Variants in TNFAIP8 observed in about 807,000 individuals in gnomAD.
The protein encoded by TNFAIP8 is tumor necrosis factor alpha-induced protein 8.
TNFAIP8 carries 7 observed loss-of-function variants against 13.3 expected under a neutral mutation model. The ratio of observed to expected loss-of-function variants is 0.52; its 90% CI spans 0.30 to 0.99. TNFAIP8 has a LOEUF of 0.99. TNFAIP8 is among the 50% of genes least tolerant of loss of function. The pLI is 0.07. For synonymous variants in TNFAIP8, 94 were observed against 87.6 expected, an observed-to-expected ratio of 1.07 and a Z score of -0.41; for missense variants, 258 against 236.9, an observed-to-expected ratio of 1.09 and a Z score of -0.58.
intron 1 of TNFAIP8, among the ~76,000 whole-genome samples, chr5:119,387,192 G>A (rs1392539858): frequency 6.6e-6 from 1 of 152,050 alleles, no homozygotes; most frequent in Non-Finnish European, 1.5e-5. Flanking sequence ...CTTATGACAG[G>A]GTTCGTTGTT....
intron 1 of TNFAIP8, among the ~76,000 whole-genome samples, chr5:119,369,260 G>T (rs959162148): frequency 3.9e-5 from 6 of 152,100 alleles, no homozygotes; most frequent in African/African-American, 1.4e-4. Flanking sequence ...CACCATGTTG[G>T]CCAGGCTGGT....
intron 1 of TNFAIP8, among the ~76,000 whole-genome samples, chr5:119,296,921 T>A (rs928294586): frequency 2.0e-5 from 3 of 152,062 alleles, no homozygotes; most frequent in Non-Finnish European, 4.4e-5. Flanking sequence ...CGTAGAGGTG[T>A]TTGTAGTATT....
At chr5:119,385,262 G>C (rs988910481) in intron 1 of TNFAIP8, among the ~76,000 whole-genome samples, 10 of 152,182 alleles carry the variant, frequency 6.6e-5, no homozygotes, top group African/African-American at 1.2e-4. Context: ...TGAGCCTTTT[G>C]TTTCCATCCA....
Position 119,308,971 on chromosome 5 carries a change from G to A in TNFAIP8, c.1+40064G>A, listed in dbSNP as rs530504583. On this transcript the variant is annotated intron_variant, in intron 1 of 1. Transcript: ENST00000274456. Reference sequence around the variant, plus strand: ...CTCTCCAGTTATCTATCATAGCCTGGTAAAAAGGCAAAAGCAGTTGTGCAT... The same window carrying A: ...CTCTCCAGTTATCTATCATAGCCTGATAAAAAGGCAAAAGCAGTTGTGCAT... 3.9e-5 allele frequency among the ~76,000 whole-genome samples: 6 copies of A among 152,276 alleles called. No individual in the cohort carries two copies. In the South Asian group the frequency reaches 8.3e-4, roughly 21 times the overall value.
intron 1 of TNFAIP8, among the ~76,000 whole-genome samples, chr5:119,286,764 C>T (rs1177373973): frequency 6.6e-6 from 1 of 152,156 alleles, no homozygotes; most frequent in Non-Finnish European, 1.5e-5. Flanking sequence ...TGCGGGAATA[C>T]AAAGGTGAAC....
intron 1 of TNFAIP8, among the ~76,000 whole-genome samples, chr5:119,377,700 C>A (rs1294398699): frequency 2.6e-5 from 4 of 152,204 alleles, no homozygotes; most frequent in Admixed American, 2.0e-4. Flanking sequence ...CCCACCACTT[C>A]ACCTTGCAAA....
chr5:119,384,256 G>A (rs892794055), intron 1 of TNFAIP8, among the ~76,000 whole-genome samples: 8 of 152,264 alleles, frequency 5.3e-5, no homozygotes, highest in Admixed American at 2.6e-4. Flanking sequence ...AGACCGAGGC[G>A]GGTGGATCAC....
At chr5:119,363,694 T>A (rs1435691619) in intron 1 of TNFAIP8, among the ~76,000 whole-genome samples, 1 of 152,240 alleles carries the variant, frequency 6.6e-6, no homozygotes, top group Non-Finnish European at 1.5e-5. Context: ...CAACCAGTTT[T>A]CCAAATTTCA....
intron 1 of TNFAIP8, among the ~76,000 whole-genome samples, chr5:119,305,038 TCA>T (rs1261159090): frequency 6.6e-6 from 1 of 152,162 alleles, no homozygotes; most frequent in African/African-American, 2.4e-5. Flanking sequence ...GAGGTGAACG[TCA>T]ATCTGTAAAC....
chr5:119,308,190 A>G (rs1335270678), intron 1 of TNFAIP8, among the ~76,000 whole-genome samples: 2 of 152,138 alleles, frequency 1.3e-5, no homozygotes, highest in Non-Finnish European at 2.9e-5. Context: ...ACTAGTTGTG[A>G]ACTGATAGCG....
intron 1 of TNFAIP8, among the ~76,000 whole-genome samples, chr5:119,329,255 T>C (rs1562003024): frequency 6.6e-6 from 1 of 152,252 alleles, no homozygotes. Context: ...AGTCTTCTTT[T>C]TTTGCTTCTA....
chr5:119,354,036 G>C (rs575175975), upstream of TNFAIP8, among the ~76,000 whole-genome samples: 1 of 152,232 alleles, frequency 6.6e-6, no homozygotes, highest in Non-Finnish European at 1.5e-5. Context: ...TATAGGGAGA[G>C]AGGGGCAGAA....
At chr5:119,269,125 T>G (rs1217827053) in intron 1 of TNFAIP8, among the ~76,000 whole-genome samples, 2 of 152,202 alleles carry the variant, frequency 1.3e-5, no homozygotes, top group Non-Finnish European at 2.9e-5. Context: ...GAAATTTTAC[T>G]CGGTTCCAGT....
intron 1 of TNFAIP8, among the ~76,000 whole-genome samples, chr5:119,367,963 A>G (rs1751924664): frequency 1.3e-5 from 2 of 152,192 alleles, no homozygotes; most frequent in African/African-American, 2.4e-5. Context: ...AGTCATGAGA[A>G]TCAGCTAGAG....
intron 1 of TNFAIP8, among the ~76,000 whole-genome samples, chr5:119,298,251 T>C (rs1749243730): frequency 1.3e-5 from 2 of 151,950 alleles, no homozygotes; most frequent in Non-Finnish European, 2.9e-5. Context: ...GTACCGGTTG[T>C]TCCTTTCCAT....
At chr5:119,329,342 T>TA (rs1447732391) in intron 1 of TNFAIP8, among the ~76,000 whole-genome samples, 13 of 152,336 alleles carry the variant, frequency 8.5e-5, no homozygotes, top group Non-Finnish European at 1.6e-4. Flanking sequence ...TTCCCACACT[T>TA]ACCTTTTGTG....
chr5:119,286,110 G>A (rs1162791357), intron 1 of TNFAIP8, among the ~76,000 whole-genome samples: 1 of 152,174 alleles, frequency 6.6e-6, no homozygotes, highest in Admixed American at 6.5e-5. Context: ...TTAGATTTCA[G>A]TTCAGGTTTT....
At chr5:119,292,450 A>G (rs1749016877) in intron 1 of TNFAIP8, among the ~76,000 whole-genome samples, 1 of 151,596 alleles carries the variant, frequency 6.6e-6, no homozygotes, top group African/African-American at 2.4e-5. Context: ...ATTATATCAT[A>G]TGGTATTTTG....
At chr5:119,299,896 C>T (rs1409830541) in intron 1 of TNFAIP8, among the ~76,000 whole-genome samples, 1 of 152,214 alleles carries the variant, frequency 6.6e-6, no homozygotes, top group East Asian at 1.9e-4. Context: ...ACTCCGTGGG[C>T]GTAGGACCCT....
Sources: gnomAD v4.1 joint callset for allele counts (sites outside exome capture counted in the v4.1 genomes callset) on GRCh38, gnomAD v4.1.1 for gene constraint, MANE v1.5 for transcripts, NCBI Gene and HGNC (gene_info 2026-07-23, HGNC 2026-07-21) for gene names.